CD8B2: variants seen among roughly 807,000 people sequenced by gnomAD.
The protein encoded by CD8B2 is T-cell surface glycoprotein CD8 beta-2 chain.
CD8B2 carries 11 observed loss-of-function variants against 23.7 expected under a neutral mutation model. That is an observed-to-expected ratio of 0.46 (90% confidence interval 0.29 to 0.77). The LOEUF is 0.77. CD8B2 is among the 30% of genes least tolerant of loss of function. The probability of loss-of-function intolerance (pLI) is 0.09; values close to 1 mark genes in which losing one functional copy is unlikely to be tolerated. For missense variants in CD8B2, 197 were observed against 270.5 expected (o/e 0.73, Z 1.91); for synonymous variants, 90 against 109.3 (o/e 0.82, Z 1.10).
chr2:106,533,523 T>A (rs796880455), intron 5 of CD8B2, among the ~76,000 whole-genome samples: 5 of 151,930 alleles, frequency 3.3e-5, no homozygotes, highest in African/African-American at 1.2e-4. Flanking sequence ...GCCTAAGGAG[T>A]GTGTCTCCTG....
In CD8B2 at chr2:106,528,816, T is replaced by C. The variant is rs542303688; in HGVS notation, c.621-15176T>C. Reference sequence around the variant, plus strand: ...TGGAAATAGACTTTCCAATTTCATTTAGGTTCCACCAATAAAGTGCATTTG... The same window carrying C: ...TGGAAATAGACTTTCCAATTTCATTCAGGTTCCACCAATAAAGTGCATTTG... On this transcript the variant is annotated intron_variant, in intron 5 of 5. Transcript: ENST00000416057. Among the ~76,000 whole-genome samples, 4 of 152,342 alleles carry C rather than the reference T, an allele frequency of 2.6e-5. No homozygotes were observed. The East Asian group carries it at 7.7e-4, about 29-fold the overall frequency.
chr2:106,514,312 C>G (rs7595540), downstream of CD8B2, among the ~76,000 whole-genome samples: 139,731 of 141,858 alleles, frequency 0.99, 68,847 homozygotes, highest in East Asian at 1. Flanking sequence ...TTTTGAGACA[C>G]AGTTTTGCTC....
chr2:106,494,156 C>T (rs1417227778), intron 2 of CD8B2, among the ~76,000 whole-genome samples: 1 of 144,168 alleles, frequency 6.9e-6, no homozygotes, highest in Non-Finnish European at 1.5e-5. Flanking sequence ...CCCCCAACAC[C>T]TTTTTTTTTT....
chr2:106,526,893 C>T (rs963318582), intron 5 of CD8B2, among the ~76,000 whole-genome samples: 3 of 152,282 alleles, frequency 2.0e-5, no homozygotes, highest in East Asian at 3.9e-4. Context: ...CTGCCTGCCT[C>T]GGCCTTCCAA....
downstream of CD8B2, among the ~76,000 whole-genome samples, chr2:106,514,520 C>T (rs535795099): frequency 4.7e-4 from 71 of 151,714 alleles, no homozygotes; most frequent in Non-Finnish European, 9.4e-4. Context: ...AACTCCTGAC[C>T]TCATGGTCCT....
At chr2:106,516,930 GATATATT>G (rs1265609598) in intron 5 of CD8B2, among the ~76,000 whole-genome samples, 1 of 146,504 alleles carries the variant, frequency 6.8e-6, no homozygotes, top group Non-Finnish European at 1.5e-5. Flanking sequence ...AGTATATATT[GATATATT>G]ATATATAACA....
Position 106,541,537 on chromosome 2 carries a change from C to A in CD8B2, c.621-2455C>A, listed in dbSNP as rs139032902. 5.1e-3 allele frequency among the ~76,000 whole-genome samples: 770 copies of A among 152,270 alleles called. 10 individuals are homozygous for A. The highest frequency in any genetic ancestry group is 0.018 in the African/African-American group (738 of 41,550). Reference sequence around the variant, plus strand: ...GGACAGCTCCCACAACCAGCAATCACCTGGCCCAAAACGTCAAAGGTATGA... The same window carrying A: ...GGACAGCTCCCACAACCAGCAATCAACTGGCCCAAAACGTCAAAGGTATGA... On this transcript the variant is annotated intron_variant, in intron 5 of 5. Transcript: ENST00000416057.
At chr2:106,526,720 G>A (rs896931296) in intron 5 of CD8B2, among the ~76,000 whole-genome samples, 3 of 151,454 alleles carry the variant, frequency 2.0e-5, no homozygotes, top group Non-Finnish European at 2.9e-5. Flanking sequence ...GTGTGATCTC[G>A]GCTCACTGCA....
At chr2:106,542,276 C>T (rs1680186152) in intron 5 of CD8B2, among the ~76,000 whole-genome samples, 1 of 152,184 alleles carries the variant, frequency 6.6e-6, no homozygotes, top group Admixed American at 6.5e-5. Flanking sequence ...CAGCTGTGGG[C>T]TCACTGCGGG....
chr2:106,499,040 A>AC (rs1439798799), intron 3 of CD8B2, among the ~76,000 whole-genome samples: 2 of 151,636 alleles, frequency 1.3e-5, no homozygotes, highest in Admixed American at 6.6e-5. Context: ...CTGGCAAATG[A>AC]CCCCTTACCC....
At chr2:106,489,446 A>G (rs1460322371) in intron 1 of CD8B2, among the ~76,000 whole-genome samples, 1 of 152,020 alleles carries the variant, frequency 6.6e-6, no homozygotes, top group Non-Finnish European at 1.5e-5. Flanking sequence ...GATTTTAAAC[A>G]TGAGGTGCTC....
chr2:106,528,649 A>C (rs1363454611), intron 5 of CD8B2, among the ~76,000 whole-genome samples: 1 of 152,248 alleles, frequency 6.6e-6, no homozygotes, highest in East Asian at 1.9e-4. Flanking sequence ...TAGCTCATGA[A>C]TAATTAAAGT....
chr2:106,519,506 G>T (rs2104567625), intron 5 of CD8B2, among the ~76,000 whole-genome samples: 1 of 152,338 alleles, frequency 6.6e-6, no homozygotes, highest in Middle Eastern at 3.4e-3. Flanking sequence ...ACTTTCCAGT[G>T]AATGTGGCCT....
At chr2:106,520,919 GA>G (rs1455491654) in intron 5 of CD8B2, among the ~76,000 whole-genome samples, 8 of 910 alleles carry the variant, frequency 8.8e-3, no homozygotes, top group African/African-American at 0.027. Context: ...GCAAAAGAAA[GA>G]GAAAGGAGTT....
At chr2:106,502,689 C>A in intron 4 of CD8B2, 126 bp downstream of exon 4, 1 of 568,082 alleles carries the variant, frequency 1.8e-6, no homozygotes, top group East Asian at 3.2e-5. Context: ...AGAGAACCTG[C>A]GGTATTTCCG....
At chr2:106,512,664 C>CA (rs1024657659), downstream of CD8B2, among the ~76,000 whole-genome samples, 1 of 151,834 alleles carries the variant, frequency 6.6e-6, no homozygotes, top group Non-Finnish European at 1.5e-5. Context: ...AGGCTGGTCT[C>CA]AAACTCCTGA....
chr2:106,490,057 A>G (rs984513948), intron 1 of CD8B2, among the ~76,000 whole-genome samples: 4 of 151,370 alleles, frequency 2.6e-5, no homozygotes. Flanking sequence ...GTGACCCATC[A>G]GTTGCTGGGC....
intron 1 of CD8B2, 65 bp downstream of exon 1, chr2:106,487,534 C>G: frequency 1.0e-6 from 1 of 981,246 alleles, no homozygotes; most frequent in Non-Finnish European, 1.3e-6. Context: ...GGAGGTGATA[C>G]GTGGCTGTCC....
chr2:106,528,576 G>A (rs1679947435), intron 5 of CD8B2, among the ~76,000 whole-genome samples: 1 of 152,182 alleles, frequency 6.6e-6, no homozygotes, highest in Admixed American at 6.5e-5. Context: ...AGGAGAATCT[G>A]CAGTCTGTTC....
Sources: allele counts gnomAD v4.1 joint callset (sites outside exome capture counted in the v4.1 genomes callset), GRCh38; gene constraint gnomAD v4.1.1; transcripts MANE v1.5; gene names NCBI Gene and HGNC (gene_info 2026-07-23, HGNC 2026-07-21).